Variants in TMTC1 observed in about 807,000 individuals in gnomAD.
The protein encoded by TMTC1 is transmembrane O-mannosyltransferase targeting cadherins 1, also known as protein O-mannosyl-transferase TMTC1.
TMTC1 carries 73 observed loss-of-function variants against 104.8 expected under a neutral mutation model. The observed-to-expected ratio is 0.70, with a 90% CI of 0.58 to 0.85. TMTC1 has a LOEUF of 0.85. TMTC1 is among the 40% of genes least tolerant of loss of function. The pLI is 0.00. For missense variants in TMTC1, 1,035 were observed against 1,096.1 expected (o/e 0.94, Z 0.79); for synonymous variants, 434 against 428.7 (o/e 1.01, Z -0.15).
intron 5 of TMTC1, among the ~76,000 whole-genome samples, chr12:29,715,997 T>TATC (rs57335914): frequency 0.29 from 39,455 of 137,676 alleles, 5,675 homozygotes; most frequent in South Asian, 0.37. Context: ...GTATTATTAT[T>TATC]ATTATTATTA....
At chr12:29,588,414 G>A (rs903527584) in intron 7 of TMTC1, among the ~76,000 whole-genome samples, 1 of 152,148 alleles carries the variant, frequency 6.6e-6, no homozygotes, top group African/African-American at 2.4e-5. Flanking sequence ...AAGTTCATAA[G>A]CCTGCTTTGC....
intron 5 of TMTC1, among the ~76,000 whole-genome samples, chr12:29,664,701 AAGG>A (rs1222720974): frequency 1.3e-5 from 2 of 152,246 alleles, no homozygotes; most frequent in Admixed American, 6.5e-5. Context: ...CTTTCTTCTA[AAGG>A]AGGAGAACAT....
chr12:29,657,260 A>C (rs1242288336), intron 5 of TMTC1, among the ~76,000 whole-genome samples: 1 of 152,224 alleles, frequency 6.6e-6, no homozygotes, highest in African/African-American at 2.4e-5. Flanking sequence ...TTTCTCTTAA[A>C]GACAAAGGTA....
rs142509467 is a variant in TMTC1, at chr12:29,774,469, T to G, written c.303-6394A>C. ...ATACAAACCAGGGAAAACCAAAAAT[T>G]AAAAGTAACCCTTTATTATCTGTTT... is the stretch of plus-strand genomic sequence containing the variant. On this transcript the variant is annotated intron_variant, in intron 1 of 17. Coordinates refer to ENST00000539277, the MANE Select transcript of TMTC1 (RefSeq NM_001193451.2). Among the ~76,000 whole-genome samples, 170 of 151,848 alleles carry G rather than the reference T, an allele frequency of 1.1e-3. 7 individuals are homozygous for G. In the East Asian group the frequency reaches 0.03, roughly 27 times the overall value.
At chr12:29,727,764 G>A (rs887450033) in intron 5 of TMTC1, among the ~76,000 whole-genome samples, 19 of 146,138 alleles carry the variant, frequency 1.3e-4, no homozygotes, top group Non-Finnish European at 2.3e-4. Context: ...TGTTGCAAAA[G>A]GATAATGAAT....
chr12:29,542,928 A>G (rs299456), intron 10 of TMTC1, among the ~76,000 whole-genome samples: 94,651 of 151,860 alleles, frequency 0.62, 30,255 homozygotes, highest in South Asian at 0.73. Flanking sequence ...TGCATATCCA[A>G]GTCTTAGCTC....
intron 5 of TMTC1, among the ~76,000 whole-genome samples, chr12:29,636,185 TA>T (rs1938539065): frequency 6.6e-6 from 1 of 152,204 alleles, no homozygotes; most frequent in Non-Finnish European, 1.5e-5. Context: ...GTAGGTGGGA[TA>T]TGGATGAAAC....
chr12:29,759,187 G>A (rs371093644), intron 2 of TMTC1, among the ~76,000 whole-genome samples: 1 of 152,264 alleles, frequency 6.6e-6, no homozygotes, highest in Middle Eastern at 3.4e-3. Context: ...AAAGTAAGTT[G>A]AGAATCAATA....
At chr12:29,622,706 C>T (rs926769432) in intron 6 of TMTC1, among the ~76,000 whole-genome samples, 4 of 152,108 alleles carry the variant, frequency 2.6e-5, no homozygotes, top group Admixed American at 6.5e-5. Flanking sequence ...AAAAACAATT[C>T]GATCCAATAA....
At chr12:29,551,715 G>A (rs299474) in intron 10 of TMTC1, among the ~76,000 whole-genome samples, 124,809 of 151,816 alleles carry the variant, frequency 0.82, 52,301 homozygotes, top group East Asian at 0.92. Context: ...ATTATATTCT[G>A]TTGAGCCATC....
Position 29,763,782 on chromosome 12 carries a change from C to A in TMTC1, c.480+4116G>T, listed in dbSNP as rs1943404532. Among the ~76,000 whole-genome samples, 3 of 152,168 alleles carry A rather than the reference C, an allele frequency of 2.0e-5. No homozygotes were observed. The South Asian group carries it at 6.2e-4, about 32-fold the overall frequency. On this transcript the variant is annotated intron_variant, in intron 2 of 17. Transcript: ENST00000539277. ...AGGAAGCTCAAGGTGAGGGAATGCT[C>A]AGCCTAGGCCTAGGAAGGAACAAAA... is the stretch of plus-strand genomic sequence containing the variant.
intron 5 of TMTC1, among the ~76,000 whole-genome samples, chr12:29,701,096 T>C (rs769770220): frequency 4.6e-5 from 7 of 151,942 alleles, no homozygotes; most frequent in Non-Finnish European, 8.8e-5. Context: ...AGTCTTGCTT[T>C]TGCCAGCTGT....
chr12:29,617,768 T>C (rs1464328604), intron 6 of TMTC1, among the ~76,000 whole-genome samples: 3 of 152,140 alleles, frequency 2.0e-5, no homozygotes, highest in South Asian at 4.1e-4. Context: ...ACTTATTTCA[T>C]AGTAGAAAAT....
intron 10 of TMTC1, among the ~76,000 whole-genome samples, chr12:29,539,932 C>T (rs954602132): frequency 6.6e-6 from 1 of 152,222 alleles, no homozygotes; most frequent in Non-Finnish European, 1.5e-5. Flanking sequence ...GCTCTTCTCT[C>T]CTTCCTATTC....
chr12:29,732,679 T>C (rs977441226), intron 5 of TMTC1, among the ~76,000 whole-genome samples: 15 of 152,104 alleles, frequency 9.9e-5, no homozygotes, highest in Non-Finnish European at 1.9e-4. Context: ...TTAAAAAAAA[T>C]TACAGTCTGC....
chr12:29,591,031 T>C (rs1476097212), intron 7 of TMTC1, among the ~76,000 whole-genome samples: 1 of 152,222 alleles, frequency 6.6e-6, no homozygotes, highest in Non-Finnish European at 1.5e-5. Flanking sequence ...AGTCAGCACC[T>C]GTATCAAATA....
intron 8 of TMTC1, among the ~76,000 whole-genome samples, chr12:29,574,096 G>A (rs907391611): frequency 3.9e-5 from 6 of 152,114 alleles, no homozygotes; most frequent in East Asian, 3.9e-4. Context: ...AGAAGGATTC[G>A]GGAGACATCC....
chr12:29,632,518 T>C (rs1938350661), intron 6 of TMTC1, among the ~76,000 whole-genome samples: 1 of 152,320 alleles, frequency 6.6e-6, no homozygotes, highest in Non-Finnish European at 1.5e-5. Flanking sequence ...TTATTCTCTT[T>C]CCTGCCACCT....
chr12:29,781,947 C>T (rs2120689804), intron 1 of TMTC1, among the ~76,000 whole-genome samples: 1 of 152,328 alleles, frequency 6.6e-6, no homozygotes, highest in East Asian at 1.9e-4. Context: ...TGACTCTGCC[C>T]TTTTTAATTG....
Sources: gnomAD v4.1 joint callset for allele counts (sites outside exome capture counted in the v4.1 genomes callset) on GRCh38, gnomAD v4.1.1 for gene constraint, MANE v1.5 for transcripts, NCBI Gene and HGNC (gene_info 2026-07-23, HGNC 2026-07-21) for gene names.